Variants in NRG1 observed in about 807,000 individuals in gnomAD.
NRG1 encodes the protein pro-neuregulin-1, membrane-bound isoform.
A neutral mutation model predicts 63.8 loss-of-function variants in NRG1; 18 were observed. The ratio of observed to expected loss-of-function variants is 0.28; its 90% CI spans 0.19 to 0.42. The LOEUF (loss-of-function observed/expected upper bound fraction) is 0.42, where lower values mean the gene tolerates loss of function less well. Ranked by LOEUF, NRG1 falls within the 10% of genes least tolerant of loss-of-function variation. The pLI, the probability that NRG1 is intolerant of heterozygous loss-of-function variation, is 1.00. For missense variants in NRG1, 762 were observed against 814.7 expected (o/e 0.94, Z 0.79); for synonymous variants, 302 against 301.3 (o/e 1.00, Z -0.02).
At chr8:31,937,233 TA>T (rs1003936149) in intron 1 of NRG1, among the ~76,000 whole-genome samples, 2 of 152,154 alleles carry the variant, frequency 1.3e-5, no homozygotes, top group Non-Finnish European at 2.9e-5. Flanking sequence ...TGGGCTTGAA[TA>T]AAAACATGTA....
Position 32,462,775 on chromosome 8 carries a change from T to G in NRG1, c.38-133053T>G, listed in dbSNP as rs112811992. On this transcript the variant is annotated intron_variant, in intron 1 of 10. Transcript: ENST00000519301. ...TGCACCACCATGCCCGGCTAACTTT[T>G]ATATTTTGGGTAGAGACAGGGTTTC... Among the ~76,000 whole-genome samples the G allele has an allele frequency of 6.9e-3, 1,045 of 152,032 alleles. 14 individuals are homozygous for G. The highest frequency in any genetic ancestry group is 0.024 in the African/African-American group (1,009 of 41,454).
intron 1 of NRG1, among the ~76,000 whole-genome samples, chr8:32,537,572 G>A (rs1223765245): frequency 6.6e-6 from 1 of 152,204 alleles, no homozygotes; most frequent in African/African-American, 2.4e-5. Flanking sequence ...GATGTCTGGG[G>A]ACACCTGTGC....
At chr8:32,491,778 T>C (rs759449827) in intron 1 of NRG1, among the ~76,000 whole-genome samples, 3 of 152,234 alleles carry the variant, frequency 2.0e-5, no homozygotes, top group Non-Finnish European at 4.4e-5. Flanking sequence ...CTGGATCTGA[T>C]AGCACCTTCC....
intron 1 of NRG1, among the ~76,000 whole-genome samples, chr8:32,244,878 T>C (rs1350361588): frequency 2.0e-5 from 3 of 152,212 alleles, no homozygotes; most frequent in Non-Finnish European, 4.4e-5. Context: ...AAAACATTAA[T>C]ATCAAAGATT....
intron 1 of NRG1, among the ~76,000 whole-genome samples, chr8:32,376,551 G>A (rs937051714): frequency 5.0e-4 from 76 of 152,188 alleles, no homozygotes; most frequent in Admixed American, 2.6e-3. Flanking sequence ...TTGGAATGGA[G>A]TTTATTGCCC....
chr8:32,159,305 C>G (rs950192696), intron 1 of NRG1, among the ~76,000 whole-genome samples: 1 of 151,930 alleles, frequency 6.6e-6, no homozygotes, highest in Non-Finnish European at 1.5e-5. Flanking sequence ...GAGGCCGAGG[C>G]GGGTGGATCA....
chr8:31,861,717 TC>T (rs1265376615), intron 1 of NRG1, among the ~76,000 whole-genome samples: 1 of 152,160 alleles, frequency 6.6e-6, no homozygotes, highest in African/African-American at 2.4e-5. Context: ...TCCTTCTTCT[TC>T]CCCTTGATAG....
intron 1 of NRG1, among the ~76,000 whole-genome samples, chr8:32,444,826 C>T (rs1289175877): frequency 6.6e-6 from 1 of 152,184 alleles, no homozygotes; most frequent in Non-Finnish European, 1.5e-5. Context: ...TGTCATTTTG[C>T]CCCTTTGAGC....
chr8:32,169,942 T>C lies in NRG1; in HGVS notation c.38-425886T>C, dbSNP rs146835852. On this transcript the variant is annotated intron_variant, in intron 1 of 10. Transcript: ENST00000519301. Reference sequence around the variant, plus strand: ...CAAGTAAAGTAGGTCCTTAATCCAATACAACTGGTGTTCTTATTGAAAGAG... The same window carrying C: ...CAAGTAAAGTAGGTCCTTAATCCAACACAACTGGTGTTCTTATTGAAAGAG... Among the ~76,000 whole-genome samples the C allele has an allele frequency of 4.1e-4, 62 of 152,312 alleles. 1 individual carries two copies. The East Asian group carries it at 8.7e-3, about 21-fold the overall frequency.
At chr8:31,705,515 G>A (rs1811064732) in intron 1 of NRG1, among the ~76,000 whole-genome samples, 1 of 152,182 alleles carries the variant, frequency 6.6e-6, no homozygotes, top group Admixed American at 6.5e-5. Context: ...AATTTATGGA[G>A]AAAGCCTGTG....
chr8:31,961,255 G>C (rs1001648121), intron 1 of NRG1, among the ~76,000 whole-genome samples: 2 of 152,166 alleles, frequency 1.3e-5, no homozygotes, highest in African/African-American at 4.8e-5. Flanking sequence ...GAAGGGTTCA[G>C]AAGGTTGGAA....
chr8:32,212,169 A>T (rs868048051), intron 1 of NRG1, among the ~76,000 whole-genome samples: 1 of 152,270 alleles, frequency 6.6e-6, no homozygotes, highest in African/African-American at 2.4e-5. Context: ...TTACTGATTC[A>T]TTTTTCCTGC....
At chr8:31,952,676 C>A (rs545509979) in intron 1 of NRG1, among the ~76,000 whole-genome samples, 2 of 152,238 alleles carry the variant, frequency 1.3e-5, no homozygotes, top group South Asian at 4.1e-4. Context: ...CTACATTGGC[C>A]TTGGGCCTAT....
intron 1 of NRG1, among the ~76,000 whole-genome samples, chr8:31,987,236 G>A (rs1169480294): frequency 6.7e-6 from 1 of 149,860 alleles, no homozygotes; most frequent in Non-Finnish European, 1.5e-5. Flanking sequence ...GGAGGCAGAG[G>A]TTGTAGTGAG....
chr8:32,648,301 C>T (rs924866389), intron 5 of NRG1: 19 of 1,613,994 alleles, frequency 1.2e-5, no homozygotes, highest in Non-Finnish European at 1.5e-5. Context: ...CCTTCACCCA[C>T]CCGGAACCCT....
intron 1 of NRG1, among the ~76,000 whole-genome samples, chr8:32,502,053 G>A (rs1197629960): frequency 6.6e-6 from 1 of 152,146 alleles, no homozygotes; most frequent in Non-Finnish European, 1.5e-5. Context: ...GTCCATTCTT[G>A]CATTGCTGTA....
chr8:32,028,250 T>A (rs1301665518), intron 1 of NRG1, among the ~76,000 whole-genome samples: 1 of 152,216 alleles, frequency 6.6e-6, no homozygotes, highest in Non-Finnish European at 1.5e-5. Flanking sequence ...GAATGTGGTT[T>A]CTTTCTTCTA....
chr8:32,177,879 C>G (rs577508601), intron 1 of NRG1, among the ~76,000 whole-genome samples: 5 of 151,690 alleles, frequency 3.3e-5, no homozygotes, highest in Admixed American at 1.3e-4. Context: ...TTGCACAGAC[C>G]GAGAAGGAAG....
At chr8:32,505,613 C>T (rs1828422244) in intron 1 of NRG1, among the ~76,000 whole-genome samples, 1 of 152,060 alleles carries the variant, frequency 6.6e-6, no homozygotes. Context: ...CAAAAATAGC[C>T]AAAGAGAAAG....
Sources: allele counts gnomAD v4.1 joint callset (sites outside exome capture counted in the v4.1 genomes callset), GRCh38; gene constraint gnomAD v4.1.1; transcripts MANE v1.5; gene names NCBI Gene and HGNC (gene_info 2026-07-23, HGNC 2026-07-21).